EXOC6B: variants seen among roughly 807,000 people sequenced by gnomAD.
EXOC6B encodes SEC15 homolog B.
EXOC6B carries 54 observed loss-of-function variants against 113.5 expected under a neutral mutation model. That is an observed-to-expected ratio of 0.48 (90% CI 0.38 to 0.60). The LOEUF is 0.60. EXOC6B is among the 20% of genes least tolerant of loss of function. The pLI, the probability that EXOC6B is intolerant of heterozygous loss-of-function variation, is 0.00. For missense variants in EXOC6B, 797 were observed against 977.5 expected (o/e 0.82, Z 2.46); for synonymous variants, 357 against 339.0 (o/e 1.05, Z -0.58).
chr2:72,400,650 CA>C (rs985544572), intron 18 of EXOC6B, among the ~76,000 whole-genome samples: 1 of 144,884 alleles, frequency 6.9e-6, no homozygotes, highest in Non-Finnish European at 1.5e-5. Context: ...AGACAATTCT[CA>C]AAAAAAGACA....
Position 72,179,253 on chromosome 2 carries a change from C to G in EXOC6B, c.*82G>C, listed in dbSNP as rs533487696. 659 of 1,437,868 alleles carry G rather than the reference C, an allele frequency of 4.6e-4. 1 individual carries two copies. Among genetic ancestry groups the G allele is most frequent in the Non-Finnish European group, 4.6e-4 (492 of 1,081,034 alleles). 89.1% of individuals were successfully genotyped at this position (1,437,868 alleles called of 1,614,324 possible). On this transcript the variant is annotated 3_prime_UTR_variant, in exon 22 of 22. Transcript: ENST00000272427. ...TATGCTCTCTTTGAAGAAGAATGCA[C>G]AAATGCAGGGTCAGCTGGGGCTGGA...
At chr2:72,264,685 G>A (rs547345586) in intron 20 of EXOC6B, among the ~76,000 whole-genome samples, 2 of 152,132 alleles carry the variant, frequency 1.3e-5, no homozygotes, top group Non-Finnish European at 2.9e-5. Context: ...GGGCCAGGTG[G>A]AGGTAATTGA....
intron 6 of EXOC6B, among the ~76,000 whole-genome samples, chr2:72,617,236 T>C (rs1234771175): frequency 6.6e-6 from 1 of 152,166 alleles, no homozygotes; most frequent in African/African-American, 2.4e-5. Context: ...AGGCTGGTGT[T>C]GAGTGTCTGT....
At chr2:72,764,605 C>T (rs1682953786) in intron 1 of EXOC6B, among the ~76,000 whole-genome samples, 1 of 151,870 alleles carries the variant, frequency 6.6e-6, no homozygotes, top group Admixed American at 6.6e-5. Flanking sequence ...CTGGGCTCAA[C>T]CAATCCTGCC....
intron 2 of EXOC6B, among the ~76,000 whole-genome samples, chr2:72,738,211 T>C (rs1198157262): frequency 6.6e-6 from 1 of 152,194 alleles, no homozygotes; most frequent in African/African-American, 2.4e-5. Context: ...TACACTCTCA[T>C]GTTCTCATGC....
At chr2:72,202,177 AGG>A (rs1679532780) in intron 20 of EXOC6B, among the ~76,000 whole-genome samples, 2 of 152,230 alleles carry the variant, frequency 1.3e-5, no homozygotes, top group Admixed American at 1.3e-4. Context: ...TTTCTCAATC[AGG>A]TGAATTTTTA....
At chr2:72,351,946 A>G (rs567650193) in intron 19 of EXOC6B, among the ~76,000 whole-genome samples, 3 of 152,234 alleles carry the variant, frequency 2.0e-5, no homozygotes, top group Admixed American at 2.0e-4. Flanking sequence ...AAAATGAACT[A>G]GTTTTAGTCC....
rs540270223 is a variant in EXOC6B at position 72,788,857 on chromosome 2, T to C, written c.113+36941A>G. ...AAACAAAAAGAATCTCCCATATTCC[T>C]TGTGCTACCACTGGCAGAACCTGAG... is the stretch of plus-strand genomic sequence containing the variant. On this transcript the variant is annotated intron_variant, in intron 1 of 21. Coordinates refer to ENST00000272427, the MANE Select transcript of EXOC6B (RefSeq NM_015189.3). Among the ~76,000 whole-genome samples, 9 of 152,336 alleles carry C rather than the reference T, an allele frequency of 5.9e-5. No homozygotes were observed. In the East Asian group the frequency reaches 1.5e-3, roughly 26 times the overall value.
At chr2:72,182,747 G>T in intron 21 of EXOC6B, 1 of 479,466 alleles carries the variant, frequency 2.1e-6, no homozygotes. Context: ...CCAGCCAGTT[G>T]GCACCAGGCT....
chr2:72,627,921 G>A (rs1573512899), intron 6 of EXOC6B, among the ~76,000 whole-genome samples: 1 of 152,028 alleles, frequency 6.6e-6, no homozygotes, highest in Admixed American at 6.6e-5. Flanking sequence ...TTTTTGTGAT[G>A]TATGAATTTT....
chr2:72,734,494 G>A (rs142183672), intron 2 of EXOC6B, among the ~76,000 whole-genome samples: 108 of 152,216 alleles, frequency 7.1e-4, no homozygotes, highest in African/African-American at 2.5e-3. Context: ...GGGCTAGATG[G>A]TAAATATTTT....
rs143017407 is a variant in EXOC6B, at chr2:72,196,716, C to T, written c.2197-12529G>A. ...AAGTAAACACTAGTTCCCAGGAAGA[C>T]GATAGTTTCAGACCTATAGTGGTGG... On this transcript the variant is annotated intron_variant, in intron 20 of 21. Coordinates refer to ENST00000272427, the MANE Select transcript of EXOC6B (RefSeq NM_015189.3). 1.1e-3 allele frequency among the ~76,000 whole-genome samples: 170 copies of T among 152,260 alleles called. 7 individuals carry two copies. The East Asian group carries it at 0.027, about 24-fold the overall frequency.
chr2:72,487,842 T>C (rs1229509896), intron 16 of EXOC6B, among the ~76,000 whole-genome samples: 1 of 152,210 alleles, frequency 6.6e-6, no homozygotes, highest in African/African-American at 2.4e-5. Context: ...ACATCACTGA[T>C]GATGTTAACC....
intron 11 of EXOC6B, among the ~76,000 whole-genome samples, chr2:72,510,449 A>AG (rs1487081734): frequency 6.6e-6 from 1 of 151,700 alleles, no homozygotes; most frequent in Non-Finnish European, 1.5e-5. Context: ...TTTAATAGCT[A>AG]GAAAAAAAAC....
At chr2:72,577,500 A>G (rs886272318) in intron 6 of EXOC6B, among the ~76,000 whole-genome samples, 1 of 152,046 alleles carries the variant, frequency 6.6e-6, no homozygotes, top group African/African-American at 2.4e-5. Flanking sequence ...AAACGATTTC[A>G]TAAGTCGTAT....
chr2:72,234,124 A>T (rs1681811683), intron 20 of EXOC6B, among the ~76,000 whole-genome samples: 1 of 140,408 alleles, frequency 7.1e-6, no homozygotes, highest in African/African-American at 2.8e-5. Flanking sequence ...TCTTAGGCTG[A>T]CGCCTAGGCT....
At chr2:72,547,856 C>T (rs1270172095) in intron 8 of EXOC6B, among the ~76,000 whole-genome samples, 2 of 152,134 alleles carry the variant, frequency 1.3e-5, no homozygotes, top group Non-Finnish European at 2.9e-5. Context: ...TATTATTATT[C>T]ATCATTTGCT....
At chr2:72,574,064 C>T (rs1412289703) in intron 7 of EXOC6B, among the ~76,000 whole-genome samples, 1 of 149,302 alleles carries the variant, frequency 6.7e-6, no homozygotes, top group Non-Finnish European at 1.5e-5. Flanking sequence ...TGCAGTGAGC[C>T]GAGATCGCAC....
At chr2:72,647,541 T>C (rs1317008618) in intron 6 of EXOC6B, among the ~76,000 whole-genome samples, 2 of 152,152 alleles carry the variant, frequency 1.3e-5, no homozygotes, top group Non-Finnish European at 2.9e-5. Context: ...ACTACAAGGC[T>C]ACAGTAACCA....
Sources: allele counts gnomAD v4.1 joint callset (sites outside exome capture counted in the v4.1 genomes callset), GRCh38; gene constraint gnomAD v4.1.1; transcripts MANE v1.5; gene names NCBI Gene and HGNC (gene_info 2026-07-23, HGNC 2026-07-21).